MYO1G: variants seen among roughly 807,000 people sequenced by gnomAD.
MYO1G encodes the protein unconventional myosin-Ig.
In MYO1G, 65 loss-of-function variants were observed where a neutral mutation model predicts 115.3. The observed-to-expected ratio is 0.56, with a 90% CI of 0.46 to 0.69. The LOEUF (loss-of-function observed/expected upper bound fraction) is 0.69. Among genes scored for constraint, MYO1G ranks in the 30% least tolerant of loss-of-function variants. The pLI is 0.00. For synonymous variants in MYO1G, 510 were observed against 552.6 expected (o/e 0.92, Z 1.08); for missense variants, 1,204 against 1,393.5 (o/e 0.86, Z 2.16).
chr7:44,966,522 C>T lies in MYO1G; in HGVS notation c.1949+150G>A, dbSNP rs778601663. 2.1e-5 allele frequency: 21 copies of T among 989,530 alleles called. No individual in the cohort carries two copies. The highest frequency in any genetic ancestry group is 2.8e-5 in the Non-Finnish European group (18 of 642,454). 61.3% of individuals were successfully genotyped at this position (989,530 alleles called of 1,614,324 possible). On this transcript the variant is annotated intron_variant, in intron 15 of 21. Transcript: ENST00000258787. The surrounding 1 kb of genome is among the most constrained non-coding windows in gnomAD (Gnocchi z 5.0). ...GCATGTGCTCACACACATGTCTTCCCAGATATTTTGGTGTCTTGAGGCCAG... is the reference window on the plus strand; with the variant it reads ...GCATGTGCTCACACACATGTCTTCCTAGATATTTTGGTGTCTTGAGGCCAG...
At position 44,964,953 on chromosome 7, in the gene MYO1G, GGTAGTCTCGGGCC is replaced by G; in HGVS notation, c.2505_2517del (p.Trp835CysfsTer19). ...ACTCGCCTGGCACTTACAGAGGACA[GGTAGTCTCGGGCC>G]CAGGCCCGTCGGCAGCCCCAGTCCT... On this transcript the variant is annotated frameshift_variant, in exon 18 of 22. Coordinates refer to ENST00000258787, the MANE Select transcript of MYO1G (RefSeq NM_033054.3). LOFTEE classifies it high-confidence loss of function. The surrounding 1 kb of genome is among the most constrained non-coding windows in gnomAD (Gnocchi z 5.1). 1 of 1,599,190 alleles carries G rather than the reference GGTAGTCTCGGGCC, an allele frequency of 6.3e-7. No homozygotes were observed. The highest frequency in any genetic ancestry group is 1.7e-5 in the Admixed American group (1 of 59,612).
In MYO1G at chr7:44,963,221, A is replaced by C; in HGVS notation, c.2746-97T>G. ...CCAGGAAGCCTCTGCCGAACCCCCA[A>C]CCGCACCCGGGGAGCGCCGCCCTCG... On this transcript the variant is annotated intron_variant, in intron 20 of 21. Transcript: ENST00000258787. The surrounding 1 kb of genome is among the most constrained non-coding windows in gnomAD (Gnocchi z 4.1). 40 of 1,316,640 alleles carry C rather than the reference A, an allele frequency of 3.0e-5. No individual in the cohort carries two copies. Among genetic ancestry groups the C allele is most frequent in the South Asian group, 6.9e-5 (4 of 58,148 alleles). 81.6% of individuals were successfully genotyped at this position (1,316,640 alleles called of 1,614,324 possible). A position where few individuals can be genotyped will look rare whatever the true frequency, so the allele number is the denominator to read the frequency against.
At chr7:44,976,021 G>A (rs1270766001) in intron 3 of MYO1G, among the ~76,000 whole-genome samples, 1 of 152,210 alleles carries the variant, frequency 6.6e-6, no homozygotes, top group Non-Finnish European at 1.5e-5. Flanking sequence ...CAGTGGTGCT[G>A]GCCATATGTG....
chr7:44,970,239 G>A (rs1794929828), intron 9 of MYO1G, 85 bp from the exon 10 acceptor site: 1 of 957,722 alleles, frequency 1.0e-6, no homozygotes, highest in Non-Finnish European at 1.6e-6. Context: ...GAACATCTCT[G>A]CTAATGTTCA....
intron 17 of MYO1G, among the ~76,000 whole-genome samples, chr7:44,965,355 C>T (rs74981126): frequency 0.019 from 2,872 of 152,368 alleles, 87 homozygotes; most frequent in African/African-American, 0.065. Context: ...GCCCTCAAGA[C>T]CCCGCTCAGA....
rs34563873 is a variant in MYO1G at position 44,963,711 on chromosome 7, GC to G, written c.2745+337del. 27,158 of 320,808 alleles carry G rather than the reference GC, an allele frequency of 0.085. 2,123 individuals are homozygous for G. Among genetic ancestry groups the G allele is most frequent in the African/African-American group, 0.23 (10,864 of 47,280 alleles). The allele number at this position is 320,808 out of a possible 1,614,324, so 19.9% of individuals were successfully genotyped here. A position where few individuals can be genotyped will look rare whatever the true frequency, so the allele number is the denominator to read the frequency against. On this transcript the variant is annotated intron_variant, in intron 20 of 21. Transcript: ENST00000258787. The surrounding 1 kb of genome is among the most constrained non-coding windows in gnomAD (Gnocchi z 4.1). ...TGGCCGGGACGGTATCCCACAGGAG[GC>G]CCAGAACATTGTGGTGGGTACTCAG...
At position 44,965,689 on chromosome 7, in the gene MYO1G, G is replaced by T; in HGVS notation, c.2329C>A (p.Pro777Thr). 1 of 1,613,406 alleles carries T rather than the reference G, an allele frequency of 6.2e-7. No homozygotes were observed. Among genetic ancestry groups the T allele is most frequent in the East Asian group, 2.2e-5 (1 of 44,878 alleles). The change falls in exon 17 of 22, where the codon CCC becomes ACC. Residue 777 changes from proline to threonine, a missense_variant. Pro to Thr is a conservative substitution (Grantham distance 38). Coordinates refer to ENST00000258787, the MANE Select transcript of MYO1G (RefSeq NM_033054.3). The part of the protein sequence containing the change: ...LYGRDLVWPL[P>T]PAVLQPFQDT... Reference sequence around the variant, plus strand: ...TGGAAGGGCTGCAGCACAGCAGGGGGCAGCGGCCACACAAGGTCACGCCCG... The same window carrying T: ...TGGAAGGGCTGCAGCACAGCAGGGGTCAGCGGCCACACAAGGTCACGCCCG...
At position 44,969,957 on chromosome 7, in the gene MYO1G, TC is replaced by T; in HGVS notation, c.1332+82del. 1 of 1,590,526 alleles carries T rather than the reference TC, an allele frequency of 6.3e-7. No individual in the cohort carries two copies. Among genetic ancestry groups the T allele is most frequent in the South Asian group, 1.1e-5 (1 of 88,348 alleles). On this transcript the variant is annotated intron_variant, in intron 10 of 21. Coordinates refer to ENST00000258787, the MANE Select transcript of MYO1G (RefSeq NM_033054.3). The surrounding 1 kb of genome is among the most constrained non-coding windows in gnomAD (Gnocchi z 5.0). ...CCTCCGCCCCACACTCAGCCACCTG[TC>T]AGGCCAGCCCGGGCCCCTCCCCATG...
At chr7:44,971,986 A>G (rs1794966766) in intron 6 of MYO1G, 129 bp downstream of exon 6, 1 of 819,612 alleles carries the variant, frequency 1.2e-6, no homozygotes, top group Non-Finnish European at 2.0e-6. Flanking sequence ...CTCCACCCCG[A>G]GCACCCTCCC....
In MYO1G at chr7:44,970,757, T is replaced by G. The variant is rs200497867; in HGVS notation, c.1072-20A>C. The G allele has an allele frequency of 5.8e-4, 929 of 1,613,596 alleles. 8 individuals are homozygous for G. In the African/African-American group the frequency reaches 0.011, roughly 19 times the overall value. On this transcript the variant is annotated intron_variant, in intron 8 of 21. Coordinates refer to ENST00000258787, the MANE Select transcript of MYO1G (RefSeq NM_033054.3). ...CACTGCCTGGGGGATAGGAACACCC[T>G]GCTTCCTGCTGCCTCTGGCCTGGCC...
Position 44,969,234 on chromosome 7 carries a change from T to C in MYO1G, c.1574+179A>G. On this transcript the variant is annotated intron_variant, in intron 12 of 21. Coordinates refer to ENST00000258787, the MANE Select transcript of MYO1G (RefSeq NM_033054.3). The surrounding 1 kb of genome is among the most constrained non-coding windows in gnomAD (Gnocchi z 5.0). Reference sequence around the variant, plus strand: ...TTAACCACTATCCTCAAACCCTGTTTCCTGCTCTTCACTTGTGAATCTGCT... The same window carrying C: ...TTAACCACTATCCTCAAACCCTGTTCCCTGCTCTTCACTTGTGAATCTGCT... 1 of 661,966 alleles carries C rather than the reference T, an allele frequency of 1.5e-6. No homozygotes were observed. The highest frequency in any genetic ancestry group is 2.7e-6 in the Non-Finnish European group (1 of 364,656). 41.0% of individuals were successfully genotyped at this position (661,966 alleles called of 1,614,324 possible).
In MYO1G at chr7:44,976,451, G is replaced by C. The variant is rs184229278; in HGVS notation, c.398+113C>G. The C allele has an allele frequency of 5.6e-4, 561 of 994,712 alleles. 3 individuals carry two copies. In the African/African-American group the frequency reaches 7.9e-3, roughly 14 times the overall value. The allele number at this position is 994,712 out of a possible 1,614,324, so 61.6% of individuals were successfully genotyped here. A position where few individuals can be genotyped will look rare whatever the true frequency, so the allele number is the denominator to read the frequency against. On this transcript the variant is annotated intron_variant, in intron 3 of 21. Transcript: ENST00000258787. ...AACTTCCCAAGTTCCCACTGAACTT[G>C]ACCTGAGCTAGACTCCAGTTGCCGT...
In MYO1G at chr7:44,962,895, C is replaced by T. The variant is rs760074974; in HGVS notation, c.2901G>A (p.Gly967=). The change falls in exon 22 of 22, where the codon GGG becomes GGA. Residue 967 remains glycine (G), a splice_region_variant and synonymous_variant. Transcript: ENST00000258787. This position sits in a 1 kb window ranked among gnomAD's most constrained non-coding sequence, Gnocchi z 5.3. ...CGCGAACCTCCAGGGTGCGGCCCTCCCTGCGGCAGGAGGAGGGGTCAGGGC... is the reference window on the plus strand; with the variant it reads ...CGCGAACCTCCAGGGTGCGGCCCTCTCTGCGGCAGGAGGAGGGGTCAGGGC... ...LVGVLAAHCQ[G]EGRTLEVRVS... is the part of the protein sequence containing the mutation. 2.7e-6 allele frequency: 4 copies of T among 1,488,666 alleles called. No homozygotes were observed. In the South Asian group the frequency reaches 3.9e-5, roughly 15 times the overall value. The allele number at this position is 1,488,666 out of a possible 1,614,324, so 92.2% of individuals were successfully genotyped here.
At position 44,965,827 on chromosome 7, in the gene MYO1G, G is replaced by A. The variant is rs367655783; in HGVS notation, c.2191C>T (p.Arg731Trp). The change falls in exon 17 of 22, where the codon CGG (arginine) becomes TGG (tryptophan). Residue 731 changes from arginine to tryptophan, a missense_variant. By Grantham distance (101) the Arg-to-Trp change is moderately radical (BLOSUM62 -3). Transcript: ENST00000258787. Reference sequence around the variant, plus strand: ...ATGGTGTAGATAGCCCTCAGCCTCCGGCAGCGCCACCTCGCCAAGGTGCCC... The same window carrying A: ...ATGGTGTAGATAGCCCTCAGCCTCCAGCAGCGCCACCTCGCCAAGGTGCCC... ...WRGTLARWRC[R>W]RLRAIYTIMR... 32 of 1,599,772 alleles carry A rather than the reference G, an allele frequency of 2.0e-5. No homozygotes were observed. In the Admixed American group the frequency reaches 2.2e-4, roughly 11 times the overall value.
rs183384722 is a variant in MYO1G at position 44,975,686 on chromosome 7, C to A, written c.399-37G>T. On this transcript the variant is annotated intron_variant, in intron 3 of 21. Coordinates refer to ENST00000258787, the MANE Select transcript of MYO1G (RefSeq NM_033054.3). ...GAGGGGCTGGGTCTTAAGGCAAAGA[C>A]TTCCCATCTGGGGAATGCTGTCTCT... 4.5e-6 allele frequency: 7 copies of A among 1,541,284 alleles called. No homozygotes were observed. The East Asian group carries it at 1.6e-4, about 35-fold the overall frequency.
intron 6 of MYO1G, 151 bp downstream of exon 6, chr7:44,971,964 C>T (rs1794966339): frequency 5.3e-6 from 4 of 759,962 alleles, no homozygotes; most frequent in South Asian, 1.6e-5. Context: ...TCCCCTCCAT[C>T]AGCCATTTTC....
rs1004749903 is a variant in MYO1G at position 44,977,764 on chromosome 7, A to G, written c.96-693T>C. Among the ~76,000 whole-genome samples, 12 of 151,648 alleles carry G rather than the reference A, an allele frequency of 7.9e-5. No homozygotes were observed. The East Asian group carries it at 1.4e-3, about 17-fold the overall frequency. ...GAGGACTGGCAGGCCTGCCCCTCAG[A>G]CCCATCTCCCCTTGGTGTGTGGTAC... On this transcript the variant is annotated intron_variant, in intron 1 of 21. Transcript: ENST00000258787.
At position 44,977,033 on chromosome 7, in the gene MYO1G, A is replaced by C. The variant is rs1198668372; in HGVS notation, c.134T>G (p.Val45Gly). The C allele has an allele frequency of 6.2e-7, 1 of 1,613,466 alleles. No individual in the cohort carries two copies. Among genetic ancestry groups the C allele is most frequent in the South Asian group, 1.1e-5 (1 of 91,088 alleles). The change falls in exon 2 of 22, where the codon GTG (valine) becomes GGG (glycine). Residue 45 changes from valine (V) to glycine (G), a missense_variant. By Grantham distance (109) the Val-to-Gly change is moderately radical (BLOSUM62 -3). Transcript: ENST00000258787. ...CTGGTAGGGGTTCACGGACACCAGC[A>C]CCTCACCGATGTAGGTGTAGATGCG... ...KGRIYTYIGEVLVSVNPYQEL... is the reference protein window; with the variant it reads ...KGRIYTYIGEGLVSVNPYQEL...
rs1250935031 is a variant in MYO1G, at chr7:44,962,970, C to T, written c.2900G>A (p.Gly967Glu). ...LVGVLAAHCQ[G>E]EGRTLEVRVS... ...CCGCTACCGCCCAGCCTGCACTCAC[C>T]CCTGGCAGTGTGCGGCCAGCACGCC... Residue 967 changes from glycine (G) to glutamate (E), a missense_variant and splice_region_variant, in exon 21 of 22, where the codon GGG (glycine) becomes GAG (glutamate). Physicochemically the swap from Gly to Glu is moderately conservative, Grantham distance 98. Transcript: ENST00000258787. This position sits in a 1 kb window ranked among gnomAD's most constrained non-coding sequence, Gnocchi z 5.3. 5 of 1,532,510 alleles carry T rather than the reference C, an allele frequency of 3.3e-6. No individual in the cohort carries two copies. Among genetic ancestry groups the T allele is most frequent in the African/African-American group, 2.8e-5 (2 of 71,384 alleles). The allele number at this position is 1,532,510 out of a possible 1,614,324, so 94.9% of individuals were successfully genotyped here.
Sources: gnomAD v4.1 joint callset for allele counts (sites outside exome capture counted in the v4.1 genomes callset) on GRCh38, gnomAD v4.1.1 for gene constraint, Gnocchi (gnomAD v3.1) non-coding constraint, MANE v1.5 for transcripts, NCBI Gene and HGNC (gene_info 2026-07-23, HGNC 2026-07-21) for gene names.